Variants in CDH13 observed in about 807,000 individuals in gnomAD.
The protein encoded by CDH13 is cadherin-13.
CDH13 carries 24 observed loss-of-function variants against 63.8 expected under a neutral mutation model. The ratio of observed to expected loss-of-function variants is 0.38; its 90% CI spans 0.27 to 0.53. CDH13 has a LOEUF of 0.53. Ranked by LOEUF, CDH13 falls within the 20% of genes least tolerant of loss-of-function variation. The pLI, the probability that CDH13 is intolerant of heterozygous loss-of-function variation, is 0.85. For missense variants in CDH13, 1,049 were observed against 903.1 expected, an observed-to-expected ratio of 1.16 and a Z score of -2.07; for synonymous variants, 503 against 355.3, an observed-to-expected ratio of 1.42 and a Z score of -4.67.
At chr16:82,733,447 T>A (rs909082130) in intron 1 of CDH13, among the ~76,000 whole-genome samples, 1 of 152,220 alleles carries the variant, frequency 6.6e-6, no homozygotes, top group African/African-American at 2.4e-5. Flanking sequence ...TTTGTAAACA[T>A]GATCATTATC....
intron 3 of CDH13, among the ~76,000 whole-genome samples, chr16:83,113,928 A>G (rs1416112485): frequency 2.6e-5 from 4 of 152,120 alleles, no homozygotes; most frequent in Non-Finnish European, 4.4e-5. Context: ...TCCTTTGGCA[A>G]GGGGAAGCCT....
intron 6 of CDH13, among the ~76,000 whole-genome samples, chr16:83,365,244 G>A (rs1394392676): frequency 6.6e-6 from 1 of 152,202 alleles, no homozygotes; most frequent in Non-Finnish European, 1.5e-5. Context: ...AAGGGCCAAT[G>A]TATTGTTTAA....
At chr16:83,529,115 A>G (rs1433604034) in intron 7 of CDH13, among the ~76,000 whole-genome samples, 1 of 137,700 alleles carries the variant, frequency 7.3e-6, no homozygotes, top group Non-Finnish European at 1.5e-5. Context: ...TTTCTTTTTC[A>G]TTGTAGATCT....
At chr16:83,256,566 T>G (rs1906286681) in intron 5 of CDH13, among the ~76,000 whole-genome samples, 1 of 150,920 alleles carries the variant, frequency 6.6e-6, no homozygotes, top group Non-Finnish European at 1.5e-5. Flanking sequence ...GCACGGTGGC[T>G]CACGCCTGTA....
intron 10 of CDH13, among the ~76,000 whole-genome samples, chr16:83,704,342 A>G (rs913076968): frequency 5.3e-5 from 8 of 152,178 alleles, no homozygotes; most frequent in Non-Finnish European, 1.2e-4. Context: ...TCATGTTCTC[A>G]TTTCGATGCC....
At chr16:83,646,878 C>A (rs1345712860) in intron 8 of CDH13, among the ~76,000 whole-genome samples, 1 of 151,886 alleles carries the variant, frequency 6.6e-6, no homozygotes. Context: ...GAAGGCAACT[C>A]CCCCCTTTCC....
At chr16:83,322,403 T>C (rs16960234) in intron 5 of CDH13, among the ~76,000 whole-genome samples, 12,599 of 152,232 alleles carry the variant, frequency 0.083, 610 homozygotes, top group Non-Finnish European at 0.11. Flanking sequence ...TCTCCAAAAC[T>C]AAAACGAAAA....
At position 83,004,965 on chromosome 16, in the gene CDH13, C is replaced by T. The variant is rs545585913; in HGVS notation, c.158-27045C>T. 4.6e-5 allele frequency among the ~76,000 whole-genome samples: 7 copies of T among 152,320 alleles called. No individual in the cohort carries two copies. The East Asian group carries it at 1.4e-3, about 29-fold the overall frequency. Reference sequence around the variant, plus strand: ...CCATAGCCAGGCTGTAGGAAACAGACTGGGAGGAACAGGAGAAGAGCATCT... The same window carrying T: ...CCATAGCCAGGCTGTAGGAAACAGATTGGGAGGAACAGGAGAAGAGCATCT... On this transcript the variant is annotated intron_variant, in intron 2 of 13. Transcript: ENST00000567109.
chr16:82,924,849 C>G (rs2042256132), intron 2 of CDH13, among the ~76,000 whole-genome samples: 1 of 152,090 alleles, frequency 6.6e-6, no homozygotes, highest in Non-Finnish European at 1.5e-5. Flanking sequence ...CTCAGATGTT[C>G]TCAGTGCTAT....
rs889742495 is a variant in CDH13, at chr16:83,016,405, G to C, written c.158-15605G>C. On this transcript the variant is annotated intron_variant, in intron 2 of 13. Transcript: ENST00000567109. ...CAAAAGGAGTCTGCTAATATTTTTT[G>C]ATTGCCAACTCTCTTCTAGGGCTAG... Among the ~76,000 whole-genome samples the C allele has an allele frequency of 8.5e-5, 13 of 152,252 alleles. No homozygotes were observed. In the Middle Eastern group the frequency reaches 0.014, roughly 159 times the overall value.
intron 5 of CDH13, among the ~76,000 whole-genome samples, chr16:83,323,233 T>TC (rs1472649322): frequency 2.7e-4 from 41 of 149,100 alleles, no homozygotes; most frequent in African/African-American, 9.9e-4. Flanking sequence ...TTTCTTTCTT[T>TC]CTTTCTTTCC....
chr16:83,500,670 T>A (rs2074264049), intron 7 of CDH13, among the ~76,000 whole-genome samples: 1 of 144,926 alleles, frequency 6.9e-6, no homozygotes, highest in African/African-American at 2.6e-5. Flanking sequence ...ACTCCTGGAT[T>A]CAAGCAATTC....
At position 83,703,021 on chromosome 16, in the gene CDH13, G is replaced by T. The variant is rs1050181976; in HGVS notation, c.1538+24560G>T. ...AGCATTTCTGATCCTGTCTGCCTCT[G>T]CTATGGAGCCTATGTTTCCTTGGTT... On this transcript the variant is annotated intron_variant, in intron 10 of 13. Transcript: ENST00000567109. Among the ~76,000 whole-genome samples, 13 of 152,194 alleles carry T rather than the reference G, an allele frequency of 8.5e-5. 1 individual carries two copies. Among genetic ancestry groups the T allele is most frequent in the Admixed American group, 5.9e-4 (9 of 15,284 alleles).
intron 4 of CDH13, among the ~76,000 whole-genome samples, chr16:83,207,777 A>AG (rs1337965211): frequency 6.6e-6 from 1 of 150,786 alleles, no homozygotes; most frequent in Non-Finnish European, 1.5e-5. Context: ...AAAAAAAAAA[A>AG]AGACTGAAGC....
At chr16:82,687,095 C>G (rs568441035) in intron 1 of CDH13, among the ~76,000 whole-genome samples, 1 of 152,220 alleles carries the variant, frequency 6.6e-6, no homozygotes, top group African/African-American at 2.4e-5. Context: ...TGAGTCTTAC[C>G]CATTACGTTT....
chr16:83,012,823 T>C (rs1423801389), intron 2 of CDH13, among the ~76,000 whole-genome samples: 1 of 152,250 alleles, frequency 6.6e-6, no homozygotes, highest in African/African-American at 2.4e-5. Context: ...GATTTTTAAG[T>C]GTATTTAAAA....
chr16:83,112,261 G>C (rs187329365), intron 3 of CDH13, among the ~76,000 whole-genome samples: 1 of 152,338 alleles, frequency 6.6e-6, no homozygotes, highest in African/African-American at 2.4e-5. Context: ...CAAACCAGCA[G>C]TTAACAAGAA....
chr16:83,035,570 A>T (rs1916772662), intron 3 of CDH13, among the ~76,000 whole-genome samples: 1 of 152,170 alleles, frequency 6.6e-6, no homozygotes, highest in Non-Finnish European at 1.5e-5. Flanking sequence ...TCTAAAAATG[A>T]ATAACAAGCT....
chr16:82,959,179 T>C (rs1034397851), intron 2 of CDH13, among the ~76,000 whole-genome samples: 3 of 152,226 alleles, frequency 2.0e-5, no homozygotes, highest in Admixed American at 6.5e-5. Context: ...AAGCCTCTAC[T>C]TTACAATTCA....
Sources: allele counts gnomAD v4.1 joint callset (sites outside exome capture counted in the v4.1 genomes callset), GRCh38; gene constraint gnomAD v4.1.1; transcripts MANE v1.5; gene names NCBI Gene and HGNC (gene_info 2026-07-23, HGNC 2026-07-21).